SCGN: variants seen among roughly 807,000 people sequenced by gnomAD.
The protein encoded by SCGN is secretagogin, EF-hand calcium binding protein, also known as secretagogin.
SCGN carries 30 observed loss-of-function variants against 39.7 expected under a neutral mutation model. The observed-to-expected ratio is 0.76, with a 90% CI of 0.57 to 1.03. SCGN has a LOEUF of 1.03. SCGN is among the 50% of genes least tolerant of loss of function. The probability of loss-of-function intolerance (pLI) is 0.00; values close to 1 mark genes in which losing one functional copy is unlikely to be tolerated. For synonymous variants in SCGN, 106 were observed against 114.1 expected, an observed-to-expected ratio of 0.93 and a Z score of 0.45; for missense variants, 353 against 349.4, an observed-to-expected ratio of 1.01 and a Z score of -0.08.
At chr6:25,678,354 A>C (rs1333628858) in intron 6 of SCGN, among the ~76,000 whole-genome samples, 4 of 152,212 alleles carry the variant, frequency 2.6e-5, no homozygotes, top group Non-Finnish European at 5.9e-5. Context: ...AGAGGGAGGA[A>C]AAATTCAGGC....
intron 7 of SCGN, among the ~76,000 whole-genome samples, chr6:25,686,989 A>T (rs1383017200): frequency 1.3e-5 from 2 of 152,146 alleles, no homozygotes; most frequent in Non-Finnish European, 2.9e-5. Flanking sequence ...TTCTGAAAAT[A>T]AACTGGCCAT....
intron 2 of SCGN, among the ~76,000 whole-genome samples, chr6:25,655,600 G>A (rs1760213351): frequency 6.6e-6 from 1 of 152,152 alleles, no homozygotes; most frequent in Non-Finnish European, 1.5e-5. Flanking sequence ...GGCTGGAACG[G>A]GGGTTGGAAG....
intron 3 of SCGN, among the ~76,000 whole-genome samples, chr6:25,663,532 T>C (rs946058818): frequency 3.9e-5 from 6 of 152,228 alleles, no homozygotes; most frequent in Admixed American, 2.6e-4. Flanking sequence ...TTACTTTTAG[T>C]CTTCCCATCA....
chr6:25,660,835 A>T (rs1760322261), intron 2 of SCGN, among the ~76,000 whole-genome samples: 2 of 152,328 alleles, frequency 1.3e-5, no homozygotes, highest in Non-Finnish European at 2.9e-5. Context: ...AGGGAGAATG[A>T]GTTTAGCATA....
chr6:25,660,118 G>A (rs1178541346), intron 2 of SCGN, among the ~76,000 whole-genome samples: 1 of 152,158 alleles, frequency 6.6e-6, no homozygotes, highest in Non-Finnish European at 1.5e-5. Context: ...CTGCCTCCCA[G>A]GGCCGTTGTG....
chr6:25,657,496 C>A (rs1317319017), intron 2 of SCGN, among the ~76,000 whole-genome samples: 1 of 151,990 alleles, frequency 6.6e-6, no homozygotes, highest in African/African-American at 2.4e-5. Flanking sequence ...CAAAAGCACC[C>A]AACATATATG....
chr6:25,685,661 A>G (rs760698), intron 7 of SCGN, among the ~76,000 whole-genome samples: 42,964 of 151,984 alleles, frequency 0.28, 6,952 homozygotes, highest in East Asian at 0.67. Context: ...TATAATTATA[A>G]TTATAATTAT....
intron 6 of SCGN, among the ~76,000 whole-genome samples, chr6:25,674,392 G>T (rs1383114696): frequency 1.3e-5 from 2 of 152,202 alleles, no homozygotes; most frequent in African/African-American, 4.8e-5. Flanking sequence ...GAACTTGACA[G>T]TTGGTTTTTT....
At chr6:25,654,121 G>A (rs552192872) in intron 2 of SCGN, among the ~76,000 whole-genome samples, 16 of 152,274 alleles carry the variant, frequency 1.1e-4, no homozygotes, top group African/African-American at 2.9e-4. Flanking sequence ...GGATGGGCTC[G>A]ATCTGATGAA....
chr6:25,688,152 T>C (rs1309715868), intron 7 of SCGN, among the ~76,000 whole-genome samples: 1 of 152,226 alleles, frequency 6.6e-6, no homozygotes, highest in Admixed American at 6.5e-5. Flanking sequence ...GGTTATATAT[T>C]TACCGCTCCT....
At chr6:25,664,751 T>C (rs774180090) in intron 3 of SCGN, among the ~76,000 whole-genome samples, 192 bp from the exon 4 acceptor site, 1 of 152,162 alleles carries the variant, frequency 6.6e-6, no homozygotes, top group Non-Finnish European at 1.5e-5. Context: ...AGTAGGAGTG[T>C]GTTACTTTCT....
chr6:25,694,651 A>G (rs1759816383), intron 10 of SCGN, among the ~76,000 whole-genome samples: 1 of 152,254 alleles, frequency 6.6e-6, no homozygotes, highest in Non-Finnish European at 1.5e-5. Flanking sequence ...GAGCTAAAAC[A>G]TATGTACACA....
rs192796608 is a variant in SCGN, at chr6:25,679,591, G to A, written c.472-2360G>A. ...TGTGACCAACCTGCCACCACTGCCT[G>A]GAGCAGTTGTCAGGACTAGGCTTAT... On this transcript the variant is annotated intron_variant, in intron 6 of 10. Transcript: ENST00000377961. 1.9e-4 allele frequency among the ~76,000 whole-genome samples: 29 copies of A among 152,328 alleles called. No individual in the cohort carries two copies. The East Asian group carries it at 5.4e-3, about 28-fold the overall frequency.
intron 4 of SCGN, among the ~76,000 whole-genome samples, chr6:25,666,338 A>G (rs2151378448): frequency 6.6e-6 from 1 of 152,212 alleles, no homozygotes; most frequent in South Asian, 2.1e-4. Context: ...CTCAGTGACA[A>G]GAGGGAAACT....
At chr6:25,685,528 G>A (rs990275572) in intron 7 of SCGN, among the ~76,000 whole-genome samples, 2 of 151,982 alleles carry the variant, frequency 1.3e-5, no homozygotes, top group African/African-American at 4.8e-5. Context: ...AGCATTTGGA[G>A]GAGCAAAGAT....
intron 6 of SCGN, among the ~76,000 whole-genome samples, chr6:25,680,617 C>A (rs1038891844): frequency 6.6e-6 from 1 of 152,146 alleles, no homozygotes; most frequent in Non-Finnish European, 1.5e-5. Flanking sequence ...TCAAGCTGAC[C>A]TAGCTTTCTA....
At chr6:25,680,955 T>C (rs534043714) in intron 6 of SCGN, among the ~76,000 whole-genome samples, 3 of 152,334 alleles carry the variant, frequency 2.0e-5, no homozygotes, top group African/African-American at 7.2e-5. Context: ...TTTCAGATTA[T>C]CTCGCTCCCT....
In SCGN at chr6:25,701,526, G is replaced by A. The variant is rs753674214; in HGVS notation, c.*191G>A. ...TCCCTGTCTCACTGAAAGCCCCTGT[G>A]TAGTGTCTGTGTTGTTTTCCCTTGA... is the stretch of plus-strand genomic sequence containing the variant. On this transcript the variant is annotated 3_prime_UTR_variant, in exon 11 of 11. Transcript: ENST00000377961. The A allele has an allele frequency of 8.5e-5, 49 of 579,620 alleles. No individual in the cohort carries two copies. Among genetic ancestry groups the A allele is most frequent in the Non-Finnish European group, 1.3e-4 (46 of 352,972 alleles). The allele number at this position is 579,620 out of a possible 1,614,324, so 35.9% of individuals were successfully genotyped here.
intron 10 of SCGN, among the ~76,000 whole-genome samples, chr6:25,696,975 T>A (rs867401097): frequency 1.3e-5 from 2 of 152,142 alleles, no homozygotes; most frequent in African/African-American, 2.4e-5. Context: ...TTGTTAGATA[T>A]AAAAGAATGT....
Sources: allele counts gnomAD v4.1 joint callset (sites outside exome capture counted in the v4.1 genomes callset), GRCh38; gene constraint gnomAD v4.1.1; transcripts MANE v1.5; gene names NCBI Gene and HGNC (gene_info 2026-07-23, HGNC 2026-07-21).